DNMT3A: variants seen among roughly 807,000 people sequenced by gnomAD.
The protein encoded by DNMT3A is DNA methyltransferase 3 alpha.
DNMT3A carries 267 observed loss-of-function variants against 117.6 expected under a neutral mutation model. That is an observed-to-expected ratio of 2.27 (90% CI 2.05 to 2.51). DNMT3A has a LOEUF of 2.51. DNMT3A is among the 30% of genes most tolerant of loss of function. The pLI, the probability that DNMT3A is intolerant of heterozygous loss-of-function variation, is 0.00. For missense variants in DNMT3A, 1,029 were observed against 1,260.2 expected, an observed-to-expected ratio of 0.82 and a Z score of 2.78; for synonymous variants, 432 against 474.8, an observed-to-expected ratio of 0.91 and a Z score of 1.17.
intron 1 of DNMT3A, among the ~76,000 whole-genome samples, chr2:25,323,149 A>C (rs1333942120): frequency 6.6e-6 from 1 of 151,888 alleles, no homozygotes; most frequent in Non-Finnish European, 1.5e-5. Context: ...CCTCCCTGGA[A>C]CCTTTTTATC....
chr2:25,245,412 A>G, intron 12 of DNMT3A, 80 bp from the exon 13 acceptor site: 3 of 1,355,556 alleles, frequency 2.2e-6, no homozygotes, highest in African/African-American at 1.4e-5. Flanking sequence ...GCACCAGACC[A>G]GCCACAAAAA....
rs1673326978 is a variant in DNMT3A at position 25,236,048 on chromosome 2, A to G, written c.2479-223T>C. 6.6e-6 allele frequency among the ~76,000 whole-genome samples: 1 copy of G among 151,116 alleles called. No individual in the cohort carries two copies. The highest frequency in any genetic ancestry group is 6.6e-5 in the Admixed American group (1 of 15,198). On this transcript the variant is annotated intron_variant, in intron 21 of 22. Coordinates refer to ENST00000321117, the MANE Select transcript of DNMT3A (RefSeq NM_022552.5). This position sits in a 1 kb window ranked among gnomAD's most constrained non-coding sequence, Gnocchi z 4.5. ...ACTTGGAGGTCACCTGGCCAATCTT[A>G]GATCCATCTAGCCACAGACTTTTTT... is the stretch of plus-strand genomic sequence containing the variant.
At chr2:25,274,609 G>C (rs971257309) in intron 6 of DNMT3A, among the ~76,000 whole-genome samples, 26 of 152,166 alleles carry the variant, frequency 1.7e-4, no homozygotes, top group African/African-American at 4.8e-4. Flanking sequence ...CCTCCTCCAA[G>C]AAGCCTGTCT....
intron 13 of DNMT3A, among the ~76,000 whole-genome samples, 167 bp downstream of exon 13, chr2:25,245,086 C>T (rs568786553): frequency 7.9e-4 from 120 of 152,344 alleles, no homozygotes; most frequent in African/African-American, 2.7e-3. Context: ...AGCTTGAAAC[C>T]CAAGGGCCCG....
At chr2:25,313,866 TC>T (rs1412397689) in intron 2 of DNMT3A, 46 bp downstream of exon 2, 2 of 1,548,378 alleles carry the variant, frequency 1.3e-6, no homozygotes, top group African/African-American at 1.4e-5. Flanking sequence ...GGGACAGGGC[TC>T]TCCCTCTCCC....
At chr2:25,288,321 C>A (rs1299511225) in intron 3 of DNMT3A, among the ~76,000 whole-genome samples, 1 of 151,946 alleles carries the variant, frequency 6.6e-6, no homozygotes, top group East Asian at 2.0e-4. Flanking sequence ...GTAGTCCCAG[C>A]TGCTGGGGAG....
rs1296085619 is a variant in DNMT3A, at chr2:25,233,174, T to C, written c.*1105A>G. ...AACAATCAAAGGGTTATTGCATGAG[T>C]CTGGATGAATCCCACTCTCAGCTGT... is the stretch of plus-strand genomic sequence containing the variant. On this transcript the variant is annotated 3_prime_UTR_variant, in exon 23 of 23. Transcript: ENST00000321117. The C allele has an allele frequency of 4.3e-6, 1 of 233,612 alleles. No homozygotes were observed. The highest frequency in any genetic ancestry group is 2.2e-5 in the African/African-American group (1 of 45,306). The allele number at this position is 233,612 out of a possible 1,614,324, so 14.5% of individuals were successfully genotyped here. A position where few individuals can be genotyped will look rare whatever the true frequency, so the allele number is the denominator to read the frequency against.
intron 1 of DNMT3A, among the ~76,000 whole-genome samples, chr2:25,320,913 C>T (rs140362795): frequency 2.9e-4 from 44 of 152,218 alleles, no homozygotes; most frequent in African/African-American, 1.0e-3. Flanking sequence ...GGGTGGATCA[C>T]CTGAGGTCGG....
In DNMT3A at chr2:25,237,058, G is replaced by A; in HGVS notation, c.2409-53C>T. ...ACAGAAACCTGGATAACAGCGGGAAGGGCCCCAGCTGCACGACTCCCCTCC... is the reference window on the plus strand; with the variant it reads ...ACAGAAACCTGGATAACAGCGGGAAAGGCCCCAGCTGCACGACTCCCCTCC... On this transcript the variant is annotated intron_variant, in intron 20 of 22. Coordinates refer to ENST00000321117, the MANE Select transcript of DNMT3A (RefSeq NM_022552.5). The surrounding 1 kb of genome is among the most constrained non-coding windows in gnomAD (Gnocchi z 5.4). 5 of 1,589,122 alleles carry A rather than the reference G, an allele frequency of 3.1e-6. No homozygotes were observed. Among genetic ancestry groups the A allele is most frequent in the Non-Finnish European group, 4.3e-6 (5 of 1,163,340 alleles).
rs1022438314 is a variant in DNMT3A at position 25,264,996 on chromosome 2, T to C, written c.639+9945A>G. ...CGCATTATAAACCAGGAAACTAAAA[T>C]GCCGAAAGCAGAAAGACCTCCTCAC... On this transcript the variant is annotated intron_variant, in intron 6 of 22. Transcript: ENST00000321117. 8.5e-5 allele frequency among the ~76,000 whole-genome samples: 13 copies of C among 152,146 alleles called. No homozygotes were observed. The East Asian group carries it at 2.3e-3, about 27-fold the overall frequency.
chr2:25,326,668 T>C (rs966699702), intron 1 of DNMT3A, among the ~76,000 whole-genome samples: 1 of 152,216 alleles, frequency 6.6e-6, no homozygotes, highest in African/African-American at 2.4e-5. Context: ...AGCAGCCAGA[T>C]CTTGCTGCAT....
In DNMT3A at chr2:25,282,277, G is replaced by C. The variant is rs970486301; in HGVS notation, c.448+164C>G. 4.9e-6 allele frequency: 7 copies of C among 1,428,446 alleles called. No individual in the cohort carries two copies. Among genetic ancestry groups the C allele is most frequent in the Non-Finnish European group, 6.4e-6 (7 of 1,091,678 alleles). The allele number at this position is 1,428,446 out of a possible 1,614,324, so 88.5% of individuals were successfully genotyped here. On this transcript the variant is annotated intron_variant, in intron 4 of 22. Transcript: ENST00000321117. The surrounding 1 kb of genome is among the most constrained non-coding windows in gnomAD (Gnocchi z 5.2). ...TCTATGGGCCAAATAAAACATATGC[G>C]CAGGCTGCATCCAGCCAGTAGCCTC...
intron 6 of DNMT3A, among the ~76,000 whole-genome samples, chr2:25,251,111 C>A (rs1428682523): frequency 1.5e-5 from 2 of 137,132 alleles, no homozygotes; most frequent in African/African-American, 2.6e-5. Flanking sequence ...GAGGAAGGGG[C>A]CTCCATCAGG....
At position 25,314,397 on chromosome 2, in the gene DNMT3A, CAATG is replaced by C. The variant is rs528880840; in HGVS notation, c.-177-240_-177-237del. The C allele has an allele frequency of 1.7e-5, 17 of 985,340 alleles. No individual in the cohort carries two copies. In the South Asian group the frequency reaches 8.0e-4, roughly 46 times the overall value. The allele number at this position is 985,340 out of a possible 1,614,324, so 61.0% of individuals were successfully genotyped here. On this transcript the variant is annotated intron_variant, in intron 1 of 22. Coordinates refer to ENST00000321117, the MANE Select transcript of DNMT3A (RefSeq NM_022552.5). ...AGTCTCCCCTCCGTGTCGCTGCGGCCAATGGGTGCCACTTCTGGGACCTCCAGCT... is the reference window on the plus strand; with the variant it reads ...AGTCTCCCCTCCGTGTCGCTGCGGCCGGTGCCACTTCTGGGACCTCCAGCT...
At chr2:25,273,256 A>G (rs2149362580) in intron 6 of DNMT3A, among the ~76,000 whole-genome samples, 1 of 152,112 alleles carries the variant, frequency 6.6e-6, no homozygotes, top group East Asian at 1.9e-4. Context: ...GATTACAGGC[A>G]TGAGCCACCA....
intron 3 of DNMT3A, among the ~76,000 whole-genome samples, chr2:25,295,999 C>T (rs2149399693): frequency 6.6e-6 from 1 of 152,222 alleles, no homozygotes; most frequent in East Asian, 1.9e-4. Context: ...CTCAGTGCAC[C>T]AAGAAATGAT....
intron 16 of DNMT3A, chr2:25,241,996 C>CT (rs1674126444): frequency 2.3e-6 from 1 of 432,220 alleles, no homozygotes. Flanking sequence ...TCACAGCTGA[C>CT]TTTTTGGGGG....
chr2:25,324,700 A>G (rs1402557743), intron 1 of DNMT3A, among the ~76,000 whole-genome samples: 1 of 151,784 alleles, frequency 6.6e-6, no homozygotes, highest in Non-Finnish European at 1.5e-5. Context: ...CTATCTGTCA[A>G]CTCTTCCCCC....
At chr2:25,249,797 G>A (rs1675290737) in intron 6 of DNMT3A, 11 of 1,552,714 alleles carry the variant, frequency 7.1e-6, no homozygotes, top group Non-Finnish European at 3.6e-6. Context: ...TAGGAAACAC[G>A]GCCCTCTGAC....
Sources: allele counts gnomAD v4.1 joint callset (sites outside exome capture counted in the v4.1 genomes callset), GRCh38; gene constraint gnomAD v4.1.1; non-coding constraint Gnocchi (gnomAD v3.1); transcripts MANE v1.5; gene names NCBI Gene and HGNC (gene_info 2026-07-23, HGNC 2026-07-21).